The following WWOX variants were observed in gnomAD, a reference collection of about 807,000 sequenced individuals.
The protein encoded by WWOX is WW domain containing oxidoreductase.
Under a neutral mutation model 46.2 loss-of-function variants are expected in WWOX, and 69 were observed. The ratio of observed to expected loss-of-function variants is 1.49; its 90% CI spans 1.23 to 1.82. WWOX has a LOEUF of 1.82. WWOX is among the 40% of genes most tolerant of loss of function. The probability of loss-of-function intolerance (pLI) is 0.00; values close to 1 mark genes in which losing one functional copy is unlikely to be tolerated. For synonymous variants in WWOX, 359 were observed against 202.6 expected, an observed-to-expected ratio of 1.77 and a Z score of -6.56; for missense variants, 919 against 542.6, an observed-to-expected ratio of 1.69 and a Z score of -6.89.
intron 8 of WWOX, among the ~76,000 whole-genome samples, chr16:79,139,171 C>T (rs991149773): frequency 6.6e-6 from 1 of 152,126 alleles, no homozygotes; most frequent in Non-Finnish European, 1.5e-5. Context: ...TAATAATAAT[C>T]ATACCTGGGA....
At chr16:78,638,406 C>A (rs1004198201) in intron 8 of WWOX, among the ~76,000 whole-genome samples, 1 of 152,110 alleles carries the variant, frequency 6.6e-6, no homozygotes, top group African/African-American at 2.4e-5. Context: ...CCTTTCCAAC[C>A]GCTACCACCT....
chr16:78,418,794 C>A (rs1275089768), intron 6 of WWOX, among the ~76,000 whole-genome samples: 1 of 152,106 alleles, frequency 6.6e-6, no homozygotes, highest in Admixed American at 6.5e-5. Flanking sequence ...GGCATTTTCT[C>A]AACTCAATAA....
At chr16:79,142,278 A>G (rs1413566292) in intron 8 of WWOX, among the ~76,000 whole-genome samples, 1 of 152,200 alleles carries the variant, frequency 6.6e-6, no homozygotes, top group Non-Finnish European at 1.5e-5. Flanking sequence ...GGGTGCCTCC[A>G]AGCATATAAA....
At chr16:78,938,312 G>T (rs772947299) in intron 8 of WWOX, among the ~76,000 whole-genome samples, 1 of 152,198 alleles carries the variant, frequency 6.6e-6, no homozygotes, top group African/African-American at 2.4e-5. Context: ...CTAGGGTGTG[G>T]ACCATCCTTC....
rs184481444 is a variant in WWOX, at chr16:78,520,287, G to A, written c.1056+87535G>A. 2.7e-3 allele frequency among the ~76,000 whole-genome samples: 404 copies of A among 152,270 alleles called. 3 individuals are homozygous for A. The highest frequency in any genetic ancestry group is 9.4e-3 in the African/African-American group (392 of 41,562). On this transcript the variant is annotated intron_variant, in intron 8 of 8. Transcript: ENST00000566780. ...CAAAGTCTTGATAGAAACACTCAAC[G>A]CAGTGAATTTTTTAGATGTAAAAGT... is the stretch of plus-strand genomic sequence containing the variant.
intron 8 of WWOX, among the ~76,000 whole-genome samples, chr16:78,488,869 G>A (rs974665889): frequency 6.6e-6 from 1 of 152,148 alleles, no homozygotes; most frequent in African/African-American, 2.4e-5. Context: ...GTTTCTCAGA[G>A]TAGGCTTTCA....
At chr16:78,803,834 A>G (rs2050957995) in intron 8 of WWOX, among the ~76,000 whole-genome samples, 1 of 152,122 alleles carries the variant, frequency 6.6e-6, no homozygotes, top group South Asian at 2.1e-4. Flanking sequence ...AAAAGAATTG[A>G]ACAAATAAAA....
Position 78,512,131 on chromosome 16 carries a change from A to T in WWOX, c.1056+79379A>T, listed in dbSNP as rs112582230. 3.7e-3 allele frequency among the ~76,000 whole-genome samples: 561 copies of T among 152,324 alleles called. 3 individuals carry two copies. The highest frequency in any genetic ancestry group is 0.013 in the African/African-American group (539 of 41,574). Reference sequence around the variant, plus strand: ...ATTTTAAAACGCTGGAAAAATAATGATAAAGATTGTGTGATCAAGTATAGC... The same window carrying T: ...ATTTTAAAACGCTGGAAAAATAATGTTAAAGATTGTGTGATCAAGTATAGC... On this transcript the variant is annotated intron_variant, in intron 8 of 8. Coordinates refer to ENST00000566780, the MANE Select transcript of WWOX (RefSeq NM_016373.4).
At chr16:79,040,205 C>T (rs148358869) in intron 8 of WWOX, among the ~76,000 whole-genome samples, 30 of 151,798 alleles carry the variant, frequency 2.0e-4, no homozygotes, top group African/African-American at 6.8e-4. Context: ...GTATGACCTC[C>T]AAGTTCTTTG....
intron 8 of WWOX, among the ~76,000 whole-genome samples, chr16:78,784,812 G>C (rs544195227): frequency 1.3e-5 from 2 of 152,060 alleles, no homozygotes; most frequent in Non-Finnish European, 1.5e-5. Flanking sequence ...CACATGTGTC[G>C]GTCCCAAGGA....
At chr16:78,975,505 A>G (rs896899450) in intron 8 of WWOX, among the ~76,000 whole-genome samples, 3 of 150,948 alleles carry the variant, frequency 2.0e-5, no homozygotes, top group African/African-American at 7.3e-5. Context: ...GCCTTTTGAG[A>G]TACGACTTTC....
chr16:79,031,845 T>C (rs58342099), intron 8 of WWOX, among the ~76,000 whole-genome samples: 10,075 of 139,222 alleles, frequency 0.072, 481 homozygotes, highest in African/African-American at 0.14. Flanking sequence ...ATATATCTTA[T>C]TATATATTAT....
intron 8 of WWOX, among the ~76,000 whole-genome samples, chr16:78,507,993 CGTGCGTGTGTGTGTGTGT>C (rs1308378431): frequency 5.5e-5 from 8 of 145,548 alleles, no homozygotes; most frequent in East Asian, 2.0e-4. Flanking sequence ...TTTTTGGTTG[CGTGCGTGTGTGTGTGTGT>C]GTGTGTGTGT....
intron 8 of WWOX, among the ~76,000 whole-genome samples, chr16:78,511,070 C>T (rs2085349185): frequency 6.6e-6 from 1 of 152,198 alleles, no homozygotes; most frequent in South Asian, 2.1e-4. Context: ...GTTTATAGTC[C>T]CAGGGTGTTT....
intron 8 of WWOX, chr16:78,890,640 C>A (rs566751301): frequency 6.6e-6 from 1 of 152,240 alleles, no homozygotes; most frequent in African/African-American, 2.4e-5. Flanking sequence ...GGTCTGCTCA[C>A]TCAGCCAGTA....
chr16:79,051,497 TC>T (rs1203997767), intron 8 of WWOX, among the ~76,000 whole-genome samples: 1 of 148,216 alleles, frequency 6.7e-6, no homozygotes, highest in African/African-American at 2.5e-5. Flanking sequence ...AACACTTATG[TC>T]ATTGGCTACA....
intron 8 of WWOX, among the ~76,000 whole-genome samples, chr16:78,862,098 G>T (rs8063104): frequency 4.6e-5 from 7 of 151,544 alleles, no homozygotes; most frequent in Admixed American, 1.3e-4. Flanking sequence ...GGGTGTGTCT[G>T]TATCTATACA....
chr16:78,265,036 C>A (rs1228849986), intron 5 of WWOX, among the ~76,000 whole-genome samples: 4 of 135,800 alleles, frequency 2.9e-5, no homozygotes, highest in African/African-American at 1.1e-4. Flanking sequence ...AATCTCACTC[C>A]GTCGTCCAGG....
chr16:78,161,716 C>G (rs1056632718), intron 4 of WWOX, among the ~76,000 whole-genome samples: 1 of 152,206 alleles, frequency 6.6e-6, no homozygotes, highest in African/African-American at 2.4e-5. Context: ...GCTAGAATTA[C>G]AGGCCACTGT....
Sources: allele counts gnomAD v4.1 joint callset (sites outside exome capture counted in the v4.1 genomes callset), GRCh38; gene constraint gnomAD v4.1.1; transcripts MANE v1.5; gene names NCBI Gene and HGNC (gene_info 2026-07-23, HGNC 2026-07-21).